The following ZNF74 variants were observed in gnomAD, a reference collection of about 807,000 sequenced individuals.
ZNF74 encodes zinc finger protein 74.
ZNF74 carries 12 observed loss-of-function variants against 17.7 expected under a neutral mutation model. The observed-to-expected ratio is 0.68, with a 90% CI of 0.43 to 1.10. The LOEUF (loss-of-function observed/expected upper bound fraction) is 1.10. Ranked by LOEUF, ZNF74 falls within the 50% of genes least tolerant of loss-of-function variation. The pLI, the probability that ZNF74 is intolerant of heterozygous loss-of-function variation, is 0.00. For missense variants in ZNF74, 811 were observed against 881.0 expected (o/e 0.92, Z 1.01); for synonymous variants, 358 against 362.1 (o/e 0.99, Z 0.13).
rs987731549 is a variant in ZNF74 at position 20,406,571 on chromosome 22, C to T, written c.1538C>T (p.Ser513Leu). The change falls in exon 5 of 5, where the codon TCG becomes TTG. Residue 513 changes from serine to leucine, a missense_variant. By Grantham distance (145) the Ser-to-Leu change is moderately radical. Transcript: ENST00000400451. The part of the protein sequence containing the change: ...SQCWKAFSCH[S>L]SLIVHQRIHT... ...TGTTGGAAGGCCTTCAGCTGCCACT[C>T]GTCCCTCATCGTGCACCAGCGCATC... The T allele has an allele frequency of 1.3e-5, 21 of 1,614,230 alleles. No homozygotes were observed. Among genetic ancestry groups the T allele is most frequent in the Non-Finnish European group, 1.8e-5 (21 of 1,180,040 alleles).
chr22:20,408,398 G>A lies in ZNF74; in HGVS notation c.*1430G>A, dbSNP rs2052456227. ...AAAATAACCACACTTCAGAAAATGT[G>A]GACTTCTGAAAAATAAAATCCCCAT... On this transcript the variant is annotated 3_prime_UTR_variant, in exon 5 of 5. Transcript: ENST00000400451. 6.6e-6 allele frequency: 1 copy of A among 152,086 alleles called. No individual in the cohort carries two copies. The highest frequency in any genetic ancestry group is 2.1e-4 in the South Asian group (1 of 4,824). The allele number at this position is 152,086 out of a possible 1,614,324, so 9.4% of individuals were successfully genotyped here. A position where few individuals can be genotyped will look rare whatever the true frequency, so the allele number is the denominator to read the frequency against.
intron 4 of ZNF74, among the ~76,000 whole-genome samples, chr22:20,403,595 C>G (rs568457153): frequency 1.3e-5 from 2 of 152,192 alleles, no homozygotes. Context: ...TACACACCAC[C>G]AAAGCCACCT....
chr22:20,396,772 T>A (rs943494522), intron 2 of ZNF74, among the ~76,000 whole-genome samples: 3 of 152,238 alleles, frequency 2.0e-5, no homozygotes, highest in African/African-American at 7.2e-5. Flanking sequence ...CAAGTTGTTC[T>A]GTCTCCTGGG....
intron 3 of ZNF74, 146 bp downstream of exon 3, chr22:20,400,904 GC>G: frequency 2.0e-6 from 2 of 1,013,124 alleles, no homozygotes; most frequent in Admixed American, 2.3e-5. Flanking sequence ...GGCACTCATG[GC>G]CAGGGGCCTC....
At chr22:20,394,714 A>T in intron 1 of ZNF74, 52 bp downstream of exon 1, 1 of 1,565,632 alleles carries the variant, frequency 6.4e-7, no homozygotes, top group Non-Finnish European at 8.8e-7. Context: ...ACTTGAGGAT[A>T]TTGACACTCA....
rs1422359783 is a variant in ZNF74 at position 20,405,827 on chromosome 22, TGCACCGGCGCTG to T, written c.799_810del (p.Arg267_His270del). The T allele has an allele frequency of 6.2e-7, 1 of 1,613,212 alleles. No individual in the cohort carries two copies. Among genetic ancestry groups the T allele is most frequent in the Admixed American group, 1.7e-5 (1 of 59,990 alleles). ...TTCCGCCAGAGCTCCTCCCTCACGC[TGCACCGGCGCTG>T]GCACAGCCGGGAGAAGGCTTACAAG... On this transcript the variant is annotated inframe_deletion, in exon 5 of 5. Transcript: ENST00000400451.
chr22:20,394,626 G>T lies in ZNF74; in HGVS notation c.-3G>T, dbSNP rs1367086063. The stretch of plus-strand genomic sequence containing the variant: ...TCCTCCTGGGGAGGCTGCCGTGGAG[G>T]CCATGGAGATCCCTGCCCCGGAGCC... On this transcript the variant is annotated 5_prime_UTR_variant, in exon 1 of 5. Transcript: ENST00000400451. 6.2e-7 allele frequency: 1 copy of T among 1,614,044 alleles called. No individual in the cohort carries two copies.
Position 20,406,235 on chromosome 22 carries a change from C to T in ZNF74, c.1202C>T (p.Ser401Leu). 2 of 1,612,764 alleles carry T rather than the reference C, an allele frequency of 1.2e-6. No homozygotes were observed. The highest frequency in any genetic ancestry group is 8.5e-7 in the Non-Finnish European group (1 of 1,179,900). The change falls in exon 5 of 5, where the codon TCA (serine) becomes TTA (leucine). Residue 401 changes from serine to leucine, a missense_variant. Coordinates refer to ENST00000400451, the MANE Select transcript of ZNF74 (RefSeq NM_003426.4). ...GSCGKAFTCHSSLTVHEKIHS... is the reference protein window; with the variant it reads ...GSCGKAFTCHLSLTVHEKIHS... ...TGCGGCAAGGCCTTCACCTGCCACTCATCCCTCACCGTGCATGAGAAGATC... is the reference window on the plus strand; with the variant it reads ...TGCGGCAAGGCCTTCACCTGCCACTTATCCCTCACCGTGCATGAGAAGATC...
chr22:20,403,531 A>G (rs1356104342), intron 4 of ZNF74, among the ~76,000 whole-genome samples: 1 of 151,846 alleles, frequency 6.6e-6, no homozygotes, highest in African/African-American at 2.4e-5. Flanking sequence ...TTTCACCTGA[A>G]TTATTCAGAT....
chr22:20,401,668 C>T lies in ZNF74; in HGVS notation c.343+296C>T, dbSNP rs748875657. Among the ~76,000 whole-genome samples, 3 of 151,742 alleles carry T rather than the reference C, an allele frequency of 2.0e-5. No individual in the cohort carries two copies. The highest frequency in any genetic ancestry group is 1.9e-4 in the East Asian group (1 of 5,142). The stretch of plus-strand genomic sequence containing the variant: ...GAGCCATTGGTGTTGGCTGGGCAGC[C>T]GGGGGTGTGGGATTGGGGGCAGGGG... On this transcript the variant is annotated intron_variant, in intron 4 of 4. Transcript: ENST00000400451. The surrounding 1 kb of genome is among the most constrained non-coding windows in gnomAD (Gnocchi z 4.2).
intron 2 of ZNF74, chr22:20,399,840 A>G (rs2052337738): frequency 6.0e-6 from 1 of 166,662 alleles, no homozygotes; most frequent in East Asian, 1.9e-4. Context: ...ATACTGTTCT[A>G]ATATACTCTT....
Position 20,395,360 on chromosome 22 carries a change from C to G in ZNF74, c.62C>G (p.Ser21Cys). Residue 21 changes from serine (S) to cysteine (C), a missense_variant, in exon 2 of 5, where the codon TCC (serine) becomes TGC (cysteine). Coordinates refer to ENST00000400451, the MANE Select transcript of ZNF74 (RefSeq NM_003426.4). Reference sequence around the variant, plus strand: ...CTTTCCTCTCAGGATCCTGCTCTTTCCCTGAAAGAGAATCTCGAGGATATA... The same window carrying G: ...CTTTCCTCTCAGGATCCTGCTCTTTGCCTGAAAGAGAATCTCGAGGATATA... ...TALSSQDPALSLKENLEDISG... is the reference protein window; with the variant it reads ...TALSSQDPALCLKENLEDISG... 1 of 1,604,422 alleles carries G rather than the reference C, an allele frequency of 6.2e-7. No homozygotes were observed. The highest frequency in any genetic ancestry group is 8.5e-7 in the Non-Finnish European group (1 of 1,172,502).
intron 2 of ZNF74, among the ~76,000 whole-genome samples, chr22:20,398,715 G>A (rs1282343655): frequency 6.6e-6 from 1 of 152,036 alleles, no homozygotes; most frequent in Non-Finnish European, 1.5e-5. Flanking sequence ...TCTCCTTGGT[G>A]TCTTAAGATT....
intron 2 of ZNF74, among the ~76,000 whole-genome samples, chr22:20,399,279 A>C (rs1192351602): frequency 6.6e-6 from 1 of 152,150 alleles, no homozygotes; most frequent in Non-Finnish European, 1.5e-5. Context: ...GATTGCTATG[A>C]GTTCTTAATG....
At chr22:20,398,650 T>C (rs2052324690) in intron 2 of ZNF74, among the ~76,000 whole-genome samples, 1 of 152,196 alleles carries the variant, frequency 6.6e-6, no homozygotes, top group African/African-American at 2.4e-5. Flanking sequence ...TTTTTTGTTT[T>C]ATTGATTTTT....
chr22:20,394,959 C>T, intron 1 of ZNF74: 1 of 468,764 alleles, frequency 2.1e-6, no homozygotes, highest in Non-Finnish European at 3.8e-6. Context: ...CGGGGTTTTG[C>T]CATGTTTCCC....
At chr22:20,396,163 T>G (rs1157172403) in intron 2 of ZNF74, among the ~76,000 whole-genome samples, 1 of 140,406 alleles carries the variant, frequency 7.1e-6, no homozygotes, top group East Asian at 2.3e-4. Context: ...GGTCTTTGGG[T>G]TTTTGTTTTT....
rs769676564 is a variant in ZNF74 at position 20,406,431 on chromosome 22, C to A, written c.1398C>A (p.His466Gln). Residue 466 changes from histidine to glutamine, a missense_variant, in exon 5 of 5, where the codon CAC (histidine) becomes CAA (glutamine). Coordinates refer to ENST00000400451, the MANE Select transcript of ZNF74 (RefSeq NM_003426.4). ...HAYLLVHRRI[H>Q]SGEKPFKCNE... ...ACCTGCTCGTGCACCGGCGCATCCA[C>A]AGCGGCGAGAAGCCCTTCAAGTGCA... 3 of 1,613,932 alleles carry A rather than the reference C, an allele frequency of 1.9e-6. No individual in the cohort carries two copies. The African/African-American group carries it at 4.0e-5, about 22-fold the overall frequency.
chr22:20,394,667 A>G lies in ZNF74; in HGVS notation c.34+5A>G. The G allele has an allele frequency of 6.2e-7, 1 of 1,614,062 alleles. No homozygotes were observed. Among genetic ancestry groups the G allele is most frequent in the Non-Finnish European group, 8.5e-7 (1 of 1,179,958 alleles). Reference sequence around the variant, plus strand: ...CCCCGGAGCCCGAGAAGACAGGTACAGCTTCACTCTTGTAGTCAGTATGTC... The same window carrying G: ...CCCCGGAGCCCGAGAAGACAGGTACGGCTTCACTCTTGTAGTCAGTATGTC... On this transcript the variant is annotated splice_donor_5th_base_variant and intron_variant, in intron 1 of 4. Coordinates refer to ENST00000400451, the MANE Select transcript of ZNF74 (RefSeq NM_003426.4).
Sources: gnomAD v4.1 joint callset for allele counts (sites outside exome capture counted in the v4.1 genomes callset) on GRCh38, gnomAD v4.1.1 for gene constraint, Gnocchi (gnomAD v3.1) non-coding constraint, MANE v1.5 for transcripts, NCBI Gene and HGNC (gene_info 2026-07-23, HGNC 2026-07-21) for gene names.